The following HNRNPAB variants were observed in gnomAD, a reference collection of about 807,000 sequenced individuals.
HNRNPAB encodes ABBP-1.
HNRNPAB carries 17 observed loss-of-function variants against 44.1 expected under a neutral mutation model. The observed-to-expected ratio is 0.39, with a 90% confidence interval of 0.26 to 0.58. HNRNPAB has a LOEUF of 0.58. Ranked by LOEUF, HNRNPAB falls within the 20% of genes least tolerant of loss-of-function variation. The pLI, the probability that HNRNPAB is intolerant of heterozygous loss-of-function variation, is 0.63. For missense variants in HNRNPAB, 393 were observed against 432.7 expected (o/e 0.91, Z 0.81); for synonymous variants, 183 against 167.6 (o/e 1.09, Z -0.71).
chr5:178,210,426 TTAA>T (rs1272222486), intron 7 of HNRNPAB, 124 bp from the exon 8 acceptor site: 25 of 1,524,152 alleles, frequency 1.6e-5, no homozygotes, highest in South Asian at 4.6e-5. Flanking sequence ...CTTCGGGGTC[TTAA>T]TAACATGAGG....
chr5:178,208,488 T>G (rs1757220385), intron 5 of HNRNPAB: 1 of 152,194 alleles, frequency 6.6e-6, no homozygotes, highest in Admixed American at 6.5e-5. Context: ...TAGGAGTAAG[T>G]ATATTTAGTT....
intron 5 of HNRNPAB, 113 bp downstream of exon 5, chr5:178,207,338 A>C (rs916391324): frequency 1.8e-5 from 23 of 1,287,078 alleles, no homozygotes; most frequent in Non-Finnish European, 2.4e-5. Context: ...GTCAGACTTT[A>C]CTATTTCTCT....
chr5:178,206,700 T>G (rs983189919), intron 3 of HNRNPAB, 32 bp from the exon 4 acceptor site: 43 of 1,608,724 alleles, frequency 2.7e-5, no homozygotes, highest in Non-Finnish European at 3.1e-5. Flanking sequence ...CTCGTGCTGC[T>G]GAGTCAGCCT....
Position 178,204,873 on chromosome 5 carries a change from G to A in HNRNPAB, c.36G>A (p.Thr12=). 3 of 1,182,752 alleles carry A rather than the reference G, an allele frequency of 2.5e-6. No homozygotes were observed. The highest frequency in any genetic ancestry group is 3.1e-6 in the Non-Finnish European group (3 of 963,406). The allele number at this position is 1,182,752 out of a possible 1,614,324, so 73.3% of individuals were successfully genotyped here. Reference sequence around the variant, plus strand: ...CGGGCGAGGAGCAGCCCATGGAGACGACGGGCGCCACCGAGAACGGACATG... The same window carrying A: ...CGGGCGAGGAGCAGCCCATGGAGACAACGGGCGCCACCGAGAACGGACATG... ...SEAGEEQPME[T]TGATENGHEA... Residue 12 remains threonine (T), a synonymous_variant, in exon 2 of 8, where the codon ACG becomes ACA. Transcript: ENST00000358344.
intron 6 of HNRNPAB, 149 bp from the exon 7 acceptor site, chr5:178,209,983 A>G (rs1158461344): frequency 2.0e-6 from 2 of 1,014,428 alleles, no homozygotes; most frequent in Non-Finnish European, 2.7e-6. Flanking sequence ...GGTTGGGCCC[A>G]GGGCCCTTAT....
In HNRNPAB at chr5:178,211,027, G is replaced by A. The variant is rs1758166674; in HGVS notation, c.*404G>A. The A allele has an allele frequency of 5.1e-6, 1 of 196,742 alleles. No individual in the cohort carries two copies. Among genetic ancestry groups the A allele is most frequent in the Non-Finnish European group, 1.0e-5 (1 of 96,030 alleles). 12.2% of individuals were successfully genotyped at this position (196,742 alleles called of 1,614,324 possible). On this transcript the variant is annotated 3_prime_UTR_variant, in exon 8 of 8. Coordinates refer to ENST00000358344, the MANE Select transcript of HNRNPAB (RefSeq NM_031266.3). ...GCGTCATACATTTCCTGTAACGGAA[G>A]TGTTAATTTTACTGTACTTTTTGGT... is the stretch of plus-strand genomic sequence containing the variant.
intron 6 of HNRNPAB, among the ~76,000 whole-genome samples, 160 bp downstream of exon 6, chr5:178,209,607 T>C (rs998177252): frequency 6.6e-6 from 1 of 152,196 alleles, no homozygotes; most frequent in Non-Finnish European, 1.5e-5. Flanking sequence ...CAGGGCTGTA[T>C]GCTTGAGGCT....
chr5:178,210,191 C>T lies in HNRNPAB; in HGVS notation c.847C>T (p.Gln283Ter). The T allele has an allele frequency of 6.2e-7, 1 of 1,612,992 alleles. No individual in the cohort carries two copies. The highest frequency in any genetic ancestry group is 8.5e-7 in the Non-Finnish European group (1 of 1,178,966). Residue 283 changes from glutamine (Q) to a stop codon, truncating the protein, a stop_gained, in exon 7 of 8, where the codon CAG becomes TAG. Transcript: ENST00000358344. LOFTEE classifies it high-confidence loss of function. ...CTACTGGAACCAGGGCTACGGCTACCAGCAGGGCTACGGGCCTGGCTATGG... is the reference window on the plus strand; with the variant it reads ...CTACTGGAACCAGGGCTACGGCTACTAGCAGGGCTACGGGCCTGGCTATGG... ...GNYWNQGYGY[Q>*]QGYGPGYGGY...
chr5:178,204,905 T>G lies in HNRNPAB; in HGVS notation c.68T>G (p.Val23Gly). ...TGATENGHEA[V>G]PEGESPAGAG... ...GCCACCGAGAACGGACATGAGGCCG[T>G]CCCCGAAGGCGAGTCGCCGGCCGGG... is the stretch of plus-strand genomic sequence containing the variant. Residue 23 changes from valine (V) to glycine (G), a missense_variant, in exon 2 of 8, where the codon GTC (valine) becomes GGC (glycine). Val to Gly is a moderately radical substitution (Grantham distance 109, BLOSUM62 -3). This residue lies in a region of HNRNPAB where 81 missense variants were observed against 73.4 expected (regional missense o/e 1.10). Coordinates refer to ENST00000358344, the MANE Select transcript of HNRNPAB (RefSeq NM_031266.3). 8.3e-7 allele frequency: 1 copy of G among 1,210,232 alleles called. No individual in the cohort carries two copies. The highest frequency in any genetic ancestry group is 1.0e-6 in the Non-Finnish European group (1 of 974,342). 75.0% of individuals were successfully genotyped at this position (1,210,232 alleles called of 1,614,324 possible).
At position 178,210,769 on chromosome 5, in the gene HNRNPAB, T is replaced by C; in HGVS notation, c.*146T>C. The C allele has an allele frequency of 1.5e-6, 1 of 679,568 alleles. No homozygotes were observed. Among genetic ancestry groups the C allele is most frequent in the Non-Finnish European group, 2.6e-6 (1 of 379,228 alleles). 42.1% of individuals were successfully genotyped at this position (679,568 alleles called of 1,614,324 possible). On this transcript the variant is annotated 3_prime_UTR_variant, in exon 8 of 8. Coordinates refer to ENST00000358344, the MANE Select transcript of HNRNPAB (RefSeq NM_031266.3). ...TTAAAATTTCCCCCATGGAAATCAC[T>C]CTCCTGTTGACTATTTCCAGAGCTC...
intron 5 of HNRNPAB, among the ~76,000 whole-genome samples, chr5:178,208,117 C>T (rs922827033): frequency 1.3e-5 from 2 of 152,186 alleles, no homozygotes; most frequent in East Asian, 3.8e-4. Context: ...TAGCTCTTCC[C>T]CTCCTGAACT....
chr5:178,205,774 C>G, intron 2 of HNRNPAB, 68 bp from the exon 3 acceptor site: 1 of 1,507,190 alleles, frequency 6.6e-7, no homozygotes, highest in Non-Finnish European at 9.1e-7. Context: ...TTTGCCAGGG[C>G]CAGTCCTTTC....
chr5:178,205,122 G>A (rs1756987918), intron 2 of HNRNPAB, 76 bp downstream of exon 2: 8 of 1,086,460 alleles, frequency 7.4e-6, no homozygotes, highest in Admixed American at 4.6e-5. Context: ...CGCGGCGGGG[G>A]GAGGGGCGGC....
rs1369815614 is a variant in HNRNPAB, at chr5:178,210,941, G to A, written c.*318G>A. On this transcript the variant is annotated 3_prime_UTR_variant, in exon 8 of 8. Transcript: ENST00000358344. Reference sequence around the variant, plus strand: ...GACCTGTGGACCCTGGTTGTAAAGAGTAAATTGTATCTTAGGAAACCAGTG... The same window carrying A: ...GACCTGTGGACCCTGGTTGTAAAGAATAAATTGTATCTTAGGAAACCAGTG... The A allele has an allele frequency of 2.8e-6, 1 of 358,260 alleles. No individual in the cohort carries two copies. The allele number at this position is 358,260 out of a possible 1,614,324, so 22.2% of individuals were successfully genotyped here.
intron 4 of HNRNPAB, 72 bp downstream of exon 4, chr5:178,206,962 G>T: frequency 6.3e-7 from 1 of 1,597,662 alleles, no homozygotes. Context: ...TGGTATCCTT[G>T]GCTGGCTAGA....
chr5:178,205,823 T>G lies in HNRNPAB; in HGVS notation c.210-19T>G. The G allele has an allele frequency of 6.2e-7, 1 of 1,608,816 alleles. No individual in the cohort carries two copies. Among genetic ancestry groups the G allele is most frequent in the Non-Finnish European group, 8.5e-7 (1 of 1,176,984 alleles). On this transcript the variant is annotated intron_variant, in intron 2 of 7. Transcript: ENST00000358344. The stretch of plus-strand genomic sequence containing the variant: ...TGCTTACAAGACTTGTTGCCGTGTG[T>G]CTCACCCTACCATTTCAGAAAAATG...
At chr5:178,210,442 G>A in intron 7 of HNRNPAB, 111 bp from the exon 8 acceptor site, 7 of 1,505,426 alleles carry the variant, frequency 4.6e-6, no homozygotes, top group Non-Finnish European at 6.4e-6. Flanking sequence ...ACATGAGGAA[G>A]GCAGTCTCTG....
At chr5:178,208,192 G>GT (rs1757185166) in intron 5 of HNRNPAB, among the ~76,000 whole-genome samples, 2 of 152,210 alleles carry the variant, frequency 1.3e-5, no homozygotes, top group Admixed American at 1.3e-4. Flanking sequence ...GCGGCCTGCA[G>GT]TGGCAGGGTG....
rs776610470 is a variant in HNRNPAB at position 178,210,117 on chromosome 5, C to T, written c.788-15C>T. On this transcript the variant is annotated splice_polypyrimidine_tract_variant and intron_variant, in intron 6 of 7. Coordinates refer to ENST00000358344, the MANE Select transcript of HNRNPAB (RefSeq NM_031266.3). Reference sequence around the variant, plus strand: ...TAAATGGTCCACGGGCCCCTGTGCCCTGCTCCCCCCACAGGTCAGAGTCAG... The same window carrying T: ...TAAATGGTCCACGGGCCCCTGTGCCTTGCTCCCCCCACAGGTCAGAGTCAG... 1.9e-6 allele frequency: 3 copies of T among 1,613,898 alleles called. No homozygotes were observed. The highest frequency in any genetic ancestry group is 2.2e-5 in the South Asian group (2 of 91,074).
Sources: allele counts gnomAD v4.1 joint callset (sites outside exome capture counted in the v4.1 genomes callset), GRCh38; gene constraint gnomAD v4.1.1; regional missense constraint gnomAD v4.1.1; transcripts MANE v1.5; gene names NCBI Gene and HGNC (gene_info 2026-07-23, HGNC 2026-07-21).